The following BTBD17 variants were observed in gnomAD, a reference collection of about 807,000 sequenced individuals.
BTBD17 encodes the protein BTB/POZ domain-containing protein 17.
A neutral mutation model predicts 36.9 loss-of-function variants in BTBD17; 26 were observed. That is an observed-to-expected ratio of 0.70 (90% CI 0.52 to 0.98). The LOEUF (loss-of-function observed/expected upper bound fraction) is 0.98. Among genes scored for constraint, BTBD17 ranks in the 50% least tolerant of loss-of-function variants. The pLI is 0.00. For missense variants in BTBD17, 630 were observed against 691.3 expected, an observed-to-expected ratio of 0.91 and a Z score of 0.99; for synonymous variants, 341 against 338.0, an observed-to-expected ratio of 1.01 and a Z score of -0.10.
Position 74,356,686 on chromosome 17 carries a change from A to G in BTBD17, c.1408T>C (p.Tyr470His). Reference sequence around the variant, plus strand: ...TTGGGGGTCCGGATAAGGGTGTGGTATACGGGCTTGACGATGAGGTGCAGG... The same window carrying G: ...TTGGGGGTCCGGATAAGGGTGTGGTGTACGGGCTTGACGATGAGGTGCAGG... ...LHLHLIVKPV[Y>H]HTLIRTPK Residue 470 changes from tyrosine to histidine, a missense_variant, in exon 3 of 3, where the codon TAC (tyrosine) becomes CAC (histidine). Physicochemically the swap from Tyr to His is moderately conservative, Grantham distance 83. Coordinates refer to ENST00000375366, the MANE Select transcript of BTBD17 (RefSeq NM_001080466.2). The surrounding 1 kb of genome is among the most constrained non-coding windows in gnomAD (Gnocchi z 4.3). The G allele has an allele frequency of 6.4e-7, 1 of 1,573,454 alleles. No individual in the cohort carries two copies. The highest frequency in any genetic ancestry group is 1.2e-5 in the South Asian group (1 of 86,008).
upstream of BTBD17, among the ~76,000 whole-genome samples, chr17:74,363,114 G>A (rs894482551): frequency 6.6e-5 from 10 of 152,110 alleles, no homozygotes; most frequent in Admixed American, 3.9e-4. Flanking sequence ...ATCTGACTCC[G>A]AGGCAGGGCT....
In BTBD17 at chr17:74,359,364, T is replaced by TTTGG. The variant is rs57222938; in HGVS notation, c.362+601_362+604dup. 1.8e-3 allele frequency among the ~76,000 whole-genome samples: 276 copies of TTTGG among 151,502 alleles called. 2 individuals carry two copies. The highest frequency in any genetic ancestry group is 6.9e-3 in the South Asian group (33 of 4,814). On this transcript the variant is annotated intron_variant, in intron 2 of 2. Transcript: ENST00000375366. Reference sequence around the variant, plus strand: ...AAACTGTAGTTTTTTTGTTTGTTTGTTTGGTTGGTTGGTTGGTTGGTTGGT... The same window carrying TTTGG: ...AAACTGTAGTTTTTTTGTTTGTTTGTTTGGTTGGTTGGTTGGTTGGTTGGTTGGT...
chr17:74,362,156 A>G (rs2054944886), upstream of BTBD17, among the ~76,000 whole-genome samples: 1 of 152,190 alleles, frequency 6.6e-6, no homozygotes, highest in Non-Finnish European at 1.5e-5. Context: ...TCTCTGCAGA[A>G]TAGGCGAGGG....
chr17:74,362,032 G>C, upstream of BTBD17: 2 of 536,796 alleles, frequency 3.7e-6, no homozygotes, highest in South Asian at 4.5e-5. Context: ...GGCAGCCCCG[G>C]GGGCTATTGT....
intron 1 of BTBD17, among the ~76,000 whole-genome samples, chr17:74,361,010 C>G: frequency 6.6e-6 from 1 of 152,160 alleles, no homozygotes; most frequent in South Asian, 2.1e-4. Flanking sequence ...CAGGCCCAGC[C>G]CTGCCCTCTT....
rs547585948 is a variant in BTBD17 at position 74,360,177 on chromosome 17, G to A, written c.154C>T (p.Arg52Cys). 15 of 1,611,912 alleles carry A rather than the reference G, an allele frequency of 9.3e-6. No homozygotes were observed. The highest frequency in any genetic ancestry group is 1.8e-4 in the Middle Eastern group (1 of 5,714). The change falls in exon 2 of 3, where the codon CGC becomes TGC. Residue 52 changes from arginine to cysteine, a missense_variant. Transcript: ENST00000375366. ...CCCTGCCGCAGCAGCTCCTGCAAGC[G>A]CTGGAGCACCGCCTGGGAGTGGTTG... Reference protein sequence around the residue: ...SINHSQAVLQRLQELLRQGNA... With the variant: ...SINHSQAVLQCLQELLRQGNA...
At position 74,357,085 on chromosome 17, in the gene BTBD17, T is replaced by G; in HGVS notation, c.1009A>C (p.Thr337Pro). 1 of 1,528,076 alleles carries G rather than the reference T, an allele frequency of 6.5e-7. No homozygotes were observed. Among genetic ancestry groups the G allele is most frequent in the South Asian group, 1.2e-5 (1 of 81,216 alleles). 94.7% of individuals were successfully genotyped at this position (1,528,076 alleles called of 1,614,324 possible). The change falls in exon 3 of 3, where the codon ACC (threonine) becomes CCC (proline). Residue 337 changes from threonine (T) to proline (P), a missense_variant. Transcript: ENST00000375366. This position sits in a 1 kb window ranked among gnomAD's most constrained non-coding sequence, Gnocchi z 8.4. ...GGGCCCAGCTGCGTCTGGAAGCTGG[T>G]GCTGCGGTCGTCGCGGGCCGGGTTG... ...INNPARDDRS[T>P]SFQTQLGPSG...
chr17:74,356,701 T>C lies in BTBD17; in HGVS notation c.1393A>G (p.Ile465Val), dbSNP rs2054891613. ...LVENALHLHL[I>V]VKPVYHTLIR... ...AGGGTGTGGTATACGGGCTTGACGA[T>C]GAGGTGCAGGTGCAGGGCGTTCTCA... The change falls in exon 3 of 3, where the codon ATC becomes GTC. Residue 465 changes from isoleucine (I) to valine (V), a missense_variant. By Grantham distance (29) the Ile-to-Val change is conservative (BLOSUM62 3). Transcript: ENST00000375366. The surrounding 1 kb of genome is among the most constrained non-coding windows in gnomAD (Gnocchi z 4.3). 6.3e-7 allele frequency: 1 copy of C among 1,581,008 alleles called. No individual in the cohort carries two copies. The highest frequency in any genetic ancestry group is 2.4e-5 in the East Asian group (1 of 40,974).
chr17:74,357,341 C>T lies in BTBD17; in HGVS notation c.753G>A (p.Ala251=). ...TCATGGGGTAGCGTATGGCGCGCAG[C>T]GCCCGCTCGGCCACGGCAGGGGGCG... The part of the protein sequence containing the change: ...ARPPPAVAER[A]LRAIRYPMIP... The change falls in exon 3 of 3, where the codon GCG becomes GCA. Residue 251 remains alanine (A), a synonymous_variant. Coordinates refer to ENST00000375366, the MANE Select transcript of BTBD17 (RefSeq NM_001080466.2). The surrounding 1 kb of genome is among the most constrained non-coding windows in gnomAD (Gnocchi z 8.4). 2.6e-6 allele frequency: 4 copies of T among 1,551,230 alleles called. No homozygotes were observed. The highest frequency in any genetic ancestry group is 3.5e-6 in the Non-Finnish European group (4 of 1,156,448).
Position 74,356,734 on chromosome 17 carries a change from A to C in BTBD17, c.1360T>G (p.Tyr454Asp). The part of the protein sequence containing the change: ...HADLQRRNSE[Y>D]LVENALHLHL... ...AGGTGCAGGGCGTTCTCAACCAGGTACTCGGAGTTGCGCCGCTGCAGGTCG... is the reference window on the plus strand; with the variant it reads ...AGGTGCAGGGCGTTCTCAACCAGGTCCTCGGAGTTGCGCCGCTGCAGGTCG... Residue 454 changes from tyrosine (Y) to aspartate (D), a missense_variant, in exon 3 of 3, where the codon TAC becomes GAC. Physicochemically the swap from Tyr to Asp is radical, Grantham distance 160. Coordinates refer to ENST00000375366, the MANE Select transcript of BTBD17 (RefSeq NM_001080466.2). The surrounding 1 kb of genome is among the most constrained non-coding windows in gnomAD (Gnocchi z 4.3). 1 of 1,600,466 alleles carries C rather than the reference A, an allele frequency of 6.2e-7. No individual in the cohort carries two copies. The highest frequency in any genetic ancestry group is 8.5e-7 in the Non-Finnish European group (1 of 1,174,336).
In BTBD17 at chr17:74,357,818, C is replaced by G; in HGVS notation, c.363-87G>C. The G allele has an allele frequency of 1.8e-6, 2 of 1,087,458 alleles. No homozygotes were observed. Among genetic ancestry groups the G allele is most frequent in the Non-Finnish European group, 2.6e-6 (2 of 782,076 alleles). The allele number at this position is 1,087,458 out of a possible 1,614,324, so 67.4% of individuals were successfully genotyped here. On this transcript the variant is annotated intron_variant, in intron 2 of 2. Coordinates refer to ENST00000375366, the MANE Select transcript of BTBD17 (RefSeq NM_001080466.2). The surrounding 1 kb of genome is among the most constrained non-coding windows in gnomAD (Gnocchi z 8.4). Reference sequence around the variant, plus strand: ...TTTTAGAGTCCACAGGGGACCCGGCCTGGAGTTGGAGCTTCACTGTCCGGG... The same window carrying G: ...TTTTAGAGTCCACAGGGGACCCGGCGTGGAGTTGGAGCTTCACTGTCCGGG...
chr17:74,357,316 T>G lies in BTBD17; in HGVS notation c.778A>C (p.Ile260Leu). 1 of 1,559,300 alleles carries G rather than the reference T, an allele frequency of 6.4e-7. No homozygotes were observed. The highest frequency in any genetic ancestry group is 2.4e-5 in the East Asian group (1 of 41,624). Residue 260 changes from isoleucine (I) to leucine (L), a missense_variant, in exon 3 of 3, where the codon ATC becomes CTC. By Grantham distance (5) the Ile-to-Leu change is conservative (BLOSUM62 2). Transcript: ENST00000375366. The surrounding 1 kb of genome is among the most constrained non-coding windows in gnomAD (Gnocchi z 8.4). The part of the protein sequence containing the change: ...RALRAIRYPM[I>L]PPAQLFQLQA... ...AGCTGGAACAGCTGTGCCGGTGGGA[T>G]CATGGGGTAGCGTATGGCGCGCAGC...
intron 1 of BTBD17, among the ~76,000 whole-genome samples, chr17:74,361,388 G>C (rs562358652): frequency 6.6e-6 from 1 of 152,216 alleles, no homozygotes; most frequent in African/African-American, 2.4e-5. Context: ...GTGCATGAGA[G>C]AGGGAGGCCG....
rs1030786342 is a variant in BTBD17, at chr17:74,356,883, G to A, written c.1211C>T (p.Ala404Val). Residue 404 changes from alanine to valine, a missense_variant, in exon 3 of 3, where the codon GCG becomes GTG. Coordinates refer to ENST00000375366, the MANE Select transcript of BTBD17 (RefSeq NM_001080466.2). This position sits in a 1 kb window ranked among gnomAD's most constrained non-coding sequence, Gnocchi z 4.3. ...CGTCTTCTGGAAGCTCACGCCCGCCGCGTCGCCGCCGCTGCTGGCCGGCGT... is the reference window on the plus strand; with the variant it reads ...CGTCTTCTGGAAGCTCACGCCCGCCACGTCGCCGCCGCTGCTGGCCGGCGT... Reference protein sequence around the residue: ...VVTPASSGGDAAGVSFQKTVL... With the variant: ...VVTPASSGGDVAGVSFQKTVL... 8 of 1,490,518 alleles carry A rather than the reference G, an allele frequency of 5.4e-6. No homozygotes were observed. The highest frequency in any genetic ancestry group is 3.7e-4 in the Middle Eastern group (2 of 5,348). The allele number at this position is 1,490,518 out of a possible 1,614,324, so 92.3% of individuals were successfully genotyped here.
In BTBD17 at chr17:74,356,745, C is replaced by A. The variant is rs1173787790; in HGVS notation, c.1349G>T (p.Arg450Leu). 1.9e-6 allele frequency: 3 copies of A among 1,600,868 alleles called. No individual in the cohort carries two copies. Among genetic ancestry groups the A allele is most frequent in the Non-Finnish European group, 2.6e-6 (3 of 1,174,596 alleles). ...GTTCTCAACCAGGTACTCGGAGTTG[C>A]GCCGCTGCAGGTCGGCGTGCGCCAG... ...DFLAHADLQR[R>L]NSEYLVENAL... Residue 450 changes from arginine (R) to leucine (L), a missense_variant, in exon 3 of 3, where the codon CGC becomes CTC. Arg to Leu is a moderately radical substitution (Grantham distance 102). Coordinates refer to ENST00000375366, the MANE Select transcript of BTBD17 (RefSeq NM_001080466.2). This position sits in a 1 kb window ranked among gnomAD's most constrained non-coding sequence, Gnocchi z 4.3.
In BTBD17 at chr17:74,361,748, C is replaced by G. The variant is rs760890251; in HGVS notation, c.72G>C (p.Leu24=). Residue 24 remains leucine (L), a synonymous_variant, in exon 1 of 3, where the codon CTG becomes CTC. Coordinates refer to ENST00000375366, the MANE Select transcript of BTBD17 (RefSeq NM_001080466.2). ...CTGCCCGCTCACCTGCATGGGTGAC[C>G]AGGCCCACCAAGGTCAGCATGGCCC... The part of the protein sequence containing the change: ...SFWAMLTLVG[L]VTHAAQRADV... 1.9e-6 allele frequency: 3 copies of G among 1,613,660 alleles called. No homozygotes were observed. Among genetic ancestry groups the G allele is most frequent in the South Asian group, 1.1e-5 (1 of 91,028 alleles).
At chr17:74,361,011 C>T (rs2144326477) in intron 1 of BTBD17, among the ~76,000 whole-genome samples, 1 of 152,322 alleles carries the variant, frequency 6.6e-6, no homozygotes, top group Admixed American at 6.5e-5. Flanking sequence ...AGGCCCAGCC[C>T]TGCCCTCTTG....
At position 74,356,896 on chromosome 17, in the gene BTBD17, T is replaced by G. The variant is rs1306116037; in HGVS notation, c.1198A>C (p.Ser400Arg). 34 of 1,470,500 alleles carry G rather than the reference T, an allele frequency of 2.3e-5. No individual in the cohort carries two copies. Among genetic ancestry groups the G allele is most frequent in the Non-Finnish European group, 2.8e-5 (31 of 1,120,186 alleles). The allele number at this position is 1,470,500 out of a possible 1,614,324, so 91.1% of individuals were successfully genotyped here. The change falls in exon 3 of 3, where the codon AGC becomes CGC. Residue 400 changes from serine to arginine, a missense_variant. Transcript: ENST00000375366. This position sits in a 1 kb window ranked among gnomAD's most constrained non-coding sequence, Gnocchi z 4.3. Reference protein sequence around the residue: ...RPRLVVTPASSGGDAAGVSFQ... With the variant: ...RPRLVVTPASRGGDAAGVSFQ... ...CTCACGCCCGCCGCGTCGCCGCCGC[T>G]GCTGGCCGGCGTCACCACCAGCCGC... is the stretch of plus-strand genomic sequence containing the variant.
In BTBD17 at chr17:74,357,382, G is replaced by T. The variant is rs868635314; in HGVS notation, c.712C>A (p.Leu238Met). The T allele has an allele frequency of 6.4e-7, 1 of 1,564,194 alleles. No individual in the cohort carries two copies. The highest frequency in any genetic ancestry group is 8.6e-7 in the Non-Finnish European group (1 of 1,163,994). Residue 238 changes from leucine to methionine, a missense_variant, in exon 3 of 3, where the codon CTG (leucine) becomes ATG (methionine). Leu to Met is a conservative substitution (Grantham distance 15). Transcript: ENST00000375366. This position sits in a 1 kb window ranked among gnomAD's most constrained non-coding sequence, Gnocchi z 8.4. ...GCAGGGGGCGGCCGCGCGCGACCCAGCCAGGCCTCCAGCGCGTGGAACAGC... is the reference window on the plus strand; with the variant it reads ...GCAGGGGGCGGCCGCGCGCGACCCATCCAGGCCTCCAGCGCGTGGAACAGC... ...LELFHALEAW[L>M]GRARPPPAVA...
Sources: gnomAD v4.1 joint callset for allele counts (sites outside exome capture counted in the v4.1 genomes callset) on GRCh38, gnomAD v4.1.1 for gene constraint, Gnocchi (gnomAD v3.1) non-coding constraint, MANE v1.5 for transcripts, NCBI Gene and HGNC (gene_info 2026-07-23, HGNC 2026-07-21) for gene names.